The following P4HA1 variants were observed in gnomAD, a reference collection of about 807,000 sequenced individuals.
P4HA1 encodes the protein prolyl 4-hydroxylase subunit alpha 1, also known as prolyl 4-hydroxylase subunit alpha-1.
In P4HA1, 24 loss-of-function variants were observed where a neutral mutation model predicts 72.8. The observed-to-expected ratio is 0.33, with a 90% CI of 0.24 to 0.46. P4HA1 has a LOEUF of 0.46. Among genes scored for constraint, P4HA1 ranks in the 20% least tolerant of loss-of-function variants. P4HA1 has a pLI of 1.00. For missense variants in P4HA1, 446 were observed against 640.6 expected (o/e 0.70, Z 3.28); for synonymous variants, 201 against 218.8 (o/e 0.92, Z 0.72).
At chr10:73,029,038 AAG>A (rs945483042) in intron 10 of P4HA1, among the ~76,000 whole-genome samples, 1 of 151,960 alleles carries the variant, frequency 6.6e-6, no homozygotes, top group Non-Finnish European at 1.5e-5. Flanking sequence ...CAAAAAGAAA[AAG>A]AAAGGTTGAA....
intron 12 of P4HA1, among the ~76,000 whole-genome samples, chr10:73,012,604 T>C (rs747713255): frequency 1.4e-5 from 2 of 147,806 alleles, no homozygotes; most frequent in Non-Finnish European, 3.0e-5. Context: ...AGGAAGGAGA[T>C]AGGGAAGAAG....
In P4HA1 at chr10:73,053,413, G is replaced by T. The variant is rs200760249; in HGVS notation, c.641C>A (p.Ala214Glu). 7 of 1,613,538 alleles carry T rather than the reference G, an allele frequency of 4.3e-6. No individual in the cohort carries two copies. Among genetic ancestry groups the T allele is most frequent in the Non-Finnish European group, 5.9e-6 (7 of 1,179,568 alleles). Residue 214 changes from alanine to glutamate, a missense_variant, in exon 6 of 15, where the codon GCG (alanine) becomes GAG (glutamate). Ala to Glu is a moderately radical substitution (Grantham distance 107). Transcript: ENST00000394890. The part of the protein sequence containing the change: ...KVSVLDYLSY[A>E]VYQQGDLDKA... ...ATCCAGGTCTCCCTGCTGATATACC[G>T]CATAGCTCAAATAATCTAGAACAGA...
chr10:73,073,024 C>T (rs931737672), intron 3 of P4HA1, among the ~76,000 whole-genome samples: 3 of 151,450 alleles, frequency 2.0e-5, no homozygotes, highest in Non-Finnish European at 4.4e-5. Context: ...ACAAAAATTA[C>T]CCGGGCATGG....
chr10:73,030,600 T>C (rs904319371), intron 9 of P4HA1, among the ~76,000 whole-genome samples: 11 of 152,258 alleles, frequency 7.2e-5, no homozygotes, highest in African/African-American at 2.4e-4. Flanking sequence ...TCAAATTTAT[T>C]ATAATGCTTA....
At chr10:73,031,819 C>T (rs116392955) in intron 9 of P4HA1, among the ~76,000 whole-genome samples, 2,088 of 152,190 alleles carry the variant, frequency 0.014, 57 homozygotes, top group African/African-American at 0.048. Context: ...AATGGTACTC[C>T]CAAATTCAGC....
intron 5 of P4HA1, among the ~76,000 whole-genome samples, chr10:73,058,090 G>GAAAAAAAAAA (rs869244017): frequency 4.3e-5 from 1 of 23,060 alleles, no homozygotes; most frequent in African/African-American, 1.4e-4. Flanking sequence ...ACTCCGTCCA[G>GAAAAAAAAAA]AAAAAAAAAA....
chr10:73,076,600 G>A (rs978389956), intron 1 of P4HA1, among the ~76,000 whole-genome samples: 2 of 152,006 alleles, frequency 1.3e-5, no homozygotes, highest in Admixed American at 6.6e-5. Context: ...CTTTTCTAGT[G>A]AGGATTCTTC....
chr10:73,048,137 T>C (rs1319341227), intron 7 of P4HA1, among the ~76,000 whole-genome samples: 2 of 152,214 alleles, frequency 1.3e-5, no homozygotes, highest in Non-Finnish European at 2.9e-5. Context: ...AATAGTATAC[T>C]AAAACAAATA....
At position 73,072,147 on chromosome 10, in the gene P4HA1, T is replaced by C. The variant is rs200246041; in HGVS notation, c.207A>G (p.Thr69=). 2 of 1,613,322 alleles carry C rather than the reference T, an allele frequency of 1.2e-6. No homozygotes were observed. The highest frequency in any genetic ancestry group is 1.7e-6 in the Non-Finnish European group (2 of 1,179,518). Residue 69 remains threonine (T), a synonymous_variant, in exon 4 of 15, where the codon ACA becomes ACG. Coordinates refer to ENST00000394890, the MANE Select transcript of P4HA1 (RefSeq NM_001017962.3). ...CAAATCCTTCTGGATCTTTTGTCGCTGTACTAGTTAGCCGATCTAACTTCT... is the reference window on the plus strand; with the variant it reads ...CAAATCCTTCTGGATCTTTTGTCGCCGTACTAGTTAGCCGATCTAACTTCT... ...WAEKLDRLTS[T]ATKDPEGFVG...
chr10:73,094,404 G>A (rs755616117), intron 1 of P4HA1, among the ~76,000 whole-genome samples: 5 of 152,032 alleles, frequency 3.3e-5, no homozygotes, highest in African/African-American at 4.8e-5. Context: ...TGAGTGGGGG[G>A]GCAGGAAGTG....
intron 10 of P4HA1, among the ~76,000 whole-genome samples, chr10:73,025,854 TC>T (rs1282950125): frequency 6.6e-6 from 1 of 151,674 alleles, no homozygotes; most frequent in Non-Finnish European, 1.5e-5. Context: ...GAACTCCCAT[TC>T]ACAATTGCTA....
rs1223029199 is a variant in P4HA1 at position 73,068,918 on chromosome 10, C to T, written c.391G>A (p.Ala131Thr). 1 of 1,611,674 alleles carries T rather than the reference C, an allele frequency of 6.2e-7. No homozygotes were observed. Among genetic ancestry groups the T allele is most frequent in the Non-Finnish European group, 8.5e-7 (1 of 1,178,046 alleles). The change falls in exon 5 of 15, where the codon GCC becomes ACC. Residue 131 changes from alanine to threonine, a missense_variant. Transcript: ENST00000394890. The part of the protein sequence containing the change: ...FPNDEDQVGA[A>T]KALLRLQDTY... ...TCCTGGAGACGTAACAGAGCTTTGG[C>T]TGCCCCAACCTGATCTTCATCATTA...
At chr10:73,091,060 CAAAAAAAAA>C (rs202009101) in intron 1 of P4HA1, among the ~76,000 whole-genome samples, 2 of 49,388 alleles carry the variant, frequency 4.0e-5, no homozygotes, top group Admixed American at 4.7e-4. Context: ...GAGTCCATCT[CAAAAAAAAA>C]AAAAAAAAAA....
chr10:73,030,195 T>C, intron 10 of P4HA1, 76 bp downstream of exon 10: 1 of 622,080 alleles, frequency 1.6e-6, no homozygotes, highest in Non-Finnish European at 2.7e-6. Context: ...GAGGACTGCC[T>C]GTTCAGTGTC....
intron 2 of P4HA1, 76 bp downstream of exon 2, chr10:73,074,732 T>G: frequency 1.3e-6 from 1 of 797,816 alleles, no homozygotes. Context: ...TATTTGTTTT[T>G]GCTGATTTTA....
At chr10:73,061,368 T>C (rs1169758504) in intron 5 of P4HA1, among the ~76,000 whole-genome samples, 2 of 151,926 alleles carry the variant, frequency 1.3e-5, no homozygotes, top group African/African-American at 4.8e-5. Context: ...AACTCCAGAA[T>C]GTGGAACATT....
intron 11 of P4HA1, among the ~76,000 whole-genome samples, chr10:73,015,738 C>T: frequency 6.6e-6 from 1 of 152,166 alleles, no homozygotes. Context: ...CCTCCAGCCT[C>T]TGTGTTTTGT....
intron 5 of P4HA1, among the ~76,000 whole-genome samples, chr10:73,062,005 T>A (rs1841324814): frequency 6.6e-6 from 1 of 152,038 alleles, no homozygotes; most frequent in Non-Finnish European, 1.5e-5. Context: ...GCTGATAGAG[T>A]GAAATCTTGC....
intron 5 of P4HA1, among the ~76,000 whole-genome samples, chr10:73,067,533 C>T (rs1032574126): frequency 6.6e-6 from 1 of 152,166 alleles, no homozygotes; most frequent in Non-Finnish European, 1.5e-5. Context: ...AAGCCAAACC[C>T]CCATATCCAC....
Sources: gnomAD v4.1 joint callset for allele counts (sites outside exome capture counted in the v4.1 genomes callset) on GRCh38, gnomAD v4.1.1 for gene constraint, MANE v1.5 for transcripts, NCBI Gene and HGNC (gene_info 2026-07-23, HGNC 2026-07-21) for gene names.